The following FOXP1 variants were observed in gnomAD, a reference collection of about 807,000 sequenced individuals.
FOXP1 encodes forkhead box P1, also known as forkhead box protein P1.
A neutral mutation model predicts 98.2 loss-of-function variants in FOXP1; 15 were observed. The ratio of observed to expected loss-of-function variants is 0.15; its 90% confidence interval spans 0.10 to 0.24. The LOEUF (loss-of-function observed/expected upper bound fraction) is 0.24, where lower values mean the gene tolerates loss of function less well. Ranked by LOEUF, FOXP1 falls within the 10% of genes least tolerant of loss-of-function variation. The pLI is 1.00. For missense variants in FOXP1, 633 were observed against 848.5 expected, an observed-to-expected ratio of 0.75 and a Z score of 3.15; for synonymous variants, 371 against 314.5, an observed-to-expected ratio of 1.18 and a Z score of -1.90.
At chr3:71,034,333 G>T (rs1325813079) in intron 11 of FOXP1, among the ~76,000 whole-genome samples, 1 of 152,072 alleles carries the variant, frequency 6.6e-6, no homozygotes, top group African/African-American at 2.4e-5. Flanking sequence ...GGTCTGGGGA[G>T]CAGCCCACTG....
chr3:71,161,294 A>G (rs990271194), intron 6 of FOXP1, among the ~76,000 whole-genome samples: 1 of 152,208 alleles, frequency 6.6e-6, no homozygotes, highest in African/African-American at 2.4e-5. Flanking sequence ...GGGGTAATTT[A>G]TGCAGCTGCA....
intron 6 of FOXP1, among the ~76,000 whole-genome samples, chr3:71,124,153 T>A (rs984318497): frequency 1.2e-4 from 17 of 144,460 alleles, no homozygotes; most frequent in Non-Finnish European, 1.1e-4. Flanking sequence ...AAAAAAAAAA[T>A]GATACAGAGG....
chr3:71,034,283 T>C (rs1274717083), intron 11 of FOXP1, among the ~76,000 whole-genome samples: 1 of 152,122 alleles, frequency 6.6e-6, no homozygotes, highest in East Asian at 1.9e-4. Context: ...ACCCACTCTG[T>C]AGTCCAATTC....
chr3:71,107,791 T>C (rs563191699), intron 7 of FOXP1, among the ~76,000 whole-genome samples: 1 of 152,230 alleles, frequency 6.6e-6, no homozygotes, highest in Admixed American at 6.5e-5. Flanking sequence ...GGAAATGATA[T>C]GAGCTACTAA....
intron 3 of FOXP1, among the ~76,000 whole-genome samples, chr3:71,422,974 C>A (rs537935946): frequency 4.9e-4 from 74 of 152,232 alleles, no homozygotes; most frequent in Non-Finnish European, 7.9e-4. Context: ...TCAAGATTTC[C>A]TTGGAGAAAA....
At chr3:71,462,460 G>C (rs2088232101) in intron 3 of FOXP1, among the ~76,000 whole-genome samples, 1 of 152,118 alleles carries the variant, frequency 6.6e-6, no homozygotes, top group Admixed American at 6.5e-5. Flanking sequence ...GGTACACTCA[G>C]CCTCACAGAA....
Position 70,957,431 on chromosome 3 carries a change from C to T in FOXP1, c.*1816G>A, listed in dbSNP as rs2106821398. On this transcript the variant is annotated 3_prime_UTR_variant, in exon 21 of 21. Transcript: ENST00000649528. Reference sequence around the variant, plus strand: ...ATTTGCCTCTAAATTCTTTTGCCTCCTTTGATCAACAATAAGAGGATATTT... The same window carrying T: ...ATTTGCCTCTAAATTCTTTTGCCTCTTTTGATCAACAATAAGAGGATATTT... The T allele has an allele frequency of 4.3e-6, 1 of 230,168 alleles. No individual in the cohort carries two copies. Among genetic ancestry groups the T allele is most frequent in the African/African-American group, 2.2e-5 (1 of 45,268 alleles). The allele number at this position is 230,168 out of a possible 1,614,324, so 14.3% of individuals were successfully genotyped here.
chr3:70,989,220 G>A (rs1010582476), intron 13 of FOXP1, among the ~76,000 whole-genome samples: 2 of 152,156 alleles, frequency 1.3e-5, no homozygotes, highest in Non-Finnish European at 2.9e-5. Context: ...GGAGAAAAGG[G>A]AAACCGTACA....
chr3:71,406,624 C>T (rs7633837), intron 3 of FOXP1, among the ~76,000 whole-genome samples: 99,132 of 150,666 alleles, frequency 0.66, 33,914 homozygotes, highest in Non-Finnish European at 0.74. Flanking sequence ...GATAACCTCC[C>T]CTTCTCAAGG....
chr3:71,000,855 G>T, intron 13 of FOXP1, 117 bp downstream of exon 13: 1 of 419,136 alleles, frequency 2.4e-6, no homozygotes. Context: ...AAAGGACAAT[G>T]ACAGGTTTTG....
intron 4 of FOXP1, among the ~76,000 whole-genome samples, chr3:71,357,775 C>CTTCTTGGTCT (rs2078265092): frequency 3.9e-5 from 6 of 152,184 alleles, no homozygotes; most frequent in Admixed American, 3.9e-4. Flanking sequence ...GATGAAGGAA[C>CTTCTTGGTCT]GCACTTGAAT....
intron 2 of FOXP1, among the ~76,000 whole-genome samples, chr3:71,524,540 A>T (rs1482321522): frequency 1.4e-4 from 3 of 21,506 alleles, no homozygotes; most frequent in Non-Finnish European, 4.2e-4. Context: ...AATAAATCTT[A>T]AAAAAAAAAA....
intron 4 of FOXP1, among the ~76,000 whole-genome samples, chr3:71,313,861 T>C (rs373743612): frequency 3.3e-5 from 5 of 152,268 alleles, no homozygotes; most frequent in South Asian, 4.2e-4. Flanking sequence ...TTGGGCTGCC[T>C]CACCTAAAAC....
chr3:71,056,822 A>T (rs527580511), intron 7 of FOXP1, among the ~76,000 whole-genome samples: 225 of 126,630 alleles, frequency 1.8e-3, no homozygotes, highest in African/African-American at 7.6e-3. Flanking sequence ...AAAAGAAATT[A>T]AAAAAAAAAA....
At chr3:71,303,942 C>A (rs1316402963) in intron 4 of FOXP1, among the ~76,000 whole-genome samples, 1 of 152,150 alleles carries the variant, frequency 6.6e-6, no homozygotes, top group Non-Finnish European at 1.5e-5. Flanking sequence ...TTGGACGCTA[C>A]CCAGGCTTGC....
chr3:71,030,606 T>TG (rs1420874906), intron 11 of FOXP1, among the ~76,000 whole-genome samples: 5 of 152,236 alleles, frequency 3.3e-5, no homozygotes, highest in Non-Finnish European at 7.3e-5. Flanking sequence ...ACCTGGCCTG[T>TG]GGTTTGAGCT....
Position 71,434,631 on chromosome 3 carries a change from GGTGT to G in FOXP1, c.-168+58791_-168+58794del, listed in dbSNP as rs55643841. On this transcript the variant is annotated intron_variant, in intron 3 of 20. Transcript: ENST00000649528. Reference sequence around the variant, plus strand: ...CACGGTGACCCTCATGAGGGGATGGGGTGTGTGTGTGTGTGTGTGTGTGTGTGTG... The same window carrying G: ...CACGGTGACCCTCATGAGGGGATGGGGTGTGTGTGTGTGTGTGTGTGTGTG... 6.1e-3 allele frequency among the ~76,000 whole-genome samples: 871 copies of G among 142,326 alleles called. 55 individuals carry two copies. In the East Asian group the frequency reaches 0.13, roughly 22 times the overall value. 93.4% of individuals were successfully genotyped at this position (142,326 alleles called of 152,430 possible). A position where few individuals can be genotyped will look rare whatever the true frequency, so the allele number is the denominator to read the frequency against.
chr3:71,414,537 T>A (rs1370453033), intron 3 of FOXP1, among the ~76,000 whole-genome samples: 1 of 152,352 alleles, frequency 6.6e-6, no homozygotes, highest in East Asian at 1.9e-4. Context: ...CTGGGTAAGA[T>A]TTAGGTCTCA....
intron 5 of FOXP1, among the ~76,000 whole-genome samples, chr3:71,229,015 G>A (rs1198080924): frequency 6.9e-6 from 1 of 144,234 alleles, no homozygotes; most frequent in Non-Finnish European, 1.5e-5. Flanking sequence ...TTGGTTTAAT[G>A]AGCAGACCTG....
Sources: allele counts gnomAD v4.1 joint callset (sites outside exome capture counted in the v4.1 genomes callset), GRCh38; gene constraint gnomAD v4.1.1; transcripts MANE v1.5; gene names NCBI Gene and HGNC (gene_info 2026-07-23, HGNC 2026-07-21).